TSPAN17: variants seen among roughly 807,000 people sequenced by gnomAD.
TSPAN17 encodes the protein tetraspanin-17.
In TSPAN17, 33 loss-of-function variants were observed where a neutral mutation model predicts 40.5. The observed-to-expected ratio is 0.81, with a 90% CI of 0.62 to 1.09. The LOEUF is 1.09. Ranked by LOEUF, TSPAN17 falls within the 50% of genes least tolerant of loss-of-function variation. The probability of loss-of-function intolerance (pLI) is 0.00; values close to 1 mark genes in which losing one functional copy is unlikely to be tolerated. For missense variants in TSPAN17, 365 were observed against 416.8 expected, an observed-to-expected ratio of 0.88 and a Z score of 1.08; for synonymous variants, 166 against 169.4, an observed-to-expected ratio of 0.98 and a Z score of 0.15.
rs35207938 is a variant in TSPAN17, at chr5:176,651,804, C to G, written c.189C>G (p.Pro63=). ...SALTDLGGLD[P]VWLFVVVGGV... is the part of the protein sequence containing the mutation. ...TGACAGATCTGGGAGGCCTTGACCC[C>G]GTGTGGCTGTTTGTGGTAGTTGGAG... The change falls in exon 3 of 9, where the codon CCC becomes CCG. Residue 63 remains proline (P), a synonymous_variant. Coordinates refer to ENST00000508164, the MANE Select transcript of TSPAN17 (RefSeq NM_130465.5). The surrounding 1 kb of genome is among the most constrained non-coding windows in gnomAD (Gnocchi z 4.5). The G allele has an allele frequency of 6.2e-7, 1 of 1,614,106 alleles. No homozygotes were observed. Among genetic ancestry groups the G allele is most frequent in the Non-Finnish European group, 8.5e-7 (1 of 1,180,008 alleles).
Position 176,656,944 on chromosome 5 carries a change from T to C in TSPAN17, c.797T>C (p.Val266Ala). 1 of 1,613,564 alleles carries C rather than the reference T, an allele frequency of 6.2e-7. No homozygotes were observed. Among genetic ancestry groups the C allele is most frequent in the Non-Finnish European group, 8.5e-7 (1 of 1,179,626 alleles). Reference protein sequence around the residue: ...AQNLVSDIKAVKANWSKWNDD... With the variant: ...AQNLVSDIKAAKANWSKWNDD... ...AACCTCGTGAGTGACATCAAGGCAG[T>C]GAAAGCCAACTGGTGAGGCCGCCAG... is the stretch of plus-strand genomic sequence containing the variant. Residue 266 changes from valine to alanine, a missense_variant, in exon 8 of 9, where the codon GTG becomes GCG. Val to Ala is a moderately conservative substitution (Grantham distance 64, BLOSUM62 0). Transcript: ENST00000508164.
chr5:176,656,026 A>G (rs933912561), intron 5 of TSPAN17, 52 bp from the exon 6 acceptor site: 10 of 1,559,720 alleles, frequency 6.4e-6, no homozygotes, highest in Admixed American at 3.3e-5. Context: ...GGTACCATGG[A>G]CCCCATGGGA....
chr5:176,655,120 G>A (rs1581197666), intron 5 of TSPAN17, 100 bp downstream of exon 5: 2 of 1,415,466 alleles, frequency 1.4e-6, no homozygotes, highest in East Asian at 2.6e-5. Context: ...TGCTCTGGGG[G>A]CGTGGATGCT....
At chr5:176,652,603 T>C (rs1432164299) in intron 3 of TSPAN17, 140 bp from the exon 4 acceptor site, 1 of 740,446 alleles carries the variant, frequency 1.4e-6, no homozygotes, top group African/African-American at 1.8e-5. Context: ...AATACTAAAA[T>C]AATAGAAGGT....
intron 4 of TSPAN17, 145 bp downstream of exon 4, chr5:176,653,058 C>G (rs73332178): frequency 3.7e-6 from 3 of 812,384 alleles, no homozygotes; most frequent in Non-Finnish European, 5.8e-6. Flanking sequence ...TGTCCTCGTC[C>G]GAGGAGAGCC....
In TSPAN17 at chr5:176,651,596, C is replaced by G. The variant is rs1330133499; in HGVS notation, c.88-20C>G. The G allele has an allele frequency of 3.1e-6, 5 of 1,608,972 alleles. No homozygotes were observed. The Admixed American group carries it at 5.0e-5, about 16-fold the overall frequency. On this transcript the variant is annotated intron_variant, in intron 1 of 8. Coordinates refer to ENST00000508164, the MANE Select transcript of TSPAN17 (RefSeq NM_130465.5). This position sits in a 1 kb window ranked among gnomAD's most constrained non-coding sequence, Gnocchi z 4.5. ...CTGGGGCTGCTCCCAGCCCTGAGCT[C>G]TTTGTTGCTGCCCTTGCAGGTGCTG...
intron 4 of TSPAN17, 96 bp downstream of exon 4, chr5:176,653,009 C>A (rs1761029786): frequency 2.2e-6 from 3 of 1,377,528 alleles, no homozygotes; most frequent in East Asian, 4.6e-5. Context: ...ATCTCCTTAC[C>A]CACCTGGGCT....
At chr5:176,649,461 C>T (rs1481510352) in intron 1 of TSPAN17, among the ~76,000 whole-genome samples, 1 of 149,676 alleles carries the variant, frequency 6.7e-6, no homozygotes, top group Non-Finnish European at 1.5e-5. Context: ...GAGTTTTGCT[C>T]TTGTTGCCCA....
rs1376231598 is a variant in TSPAN17 at position 176,656,771 on chromosome 5, C to T, written c.702C>T (p.Asn234=). The T allele has an allele frequency of 6.2e-7, 1 of 1,614,100 alleles. No individual in the cohort carries two copies. Among genetic ancestry groups the T allele is most frequent in the African/African-American group, 1.3e-5 (1 of 74,948 alleles). ...VGQFEKWLQD[N]LIVVAGVFMG... is the part of the protein sequence containing the mutation. The stretch of plus-strand genomic sequence containing the variant: ...AGTTTGAGAAGTGGCTGCAGGACAA[C>T]CTGATTGTGGTGGCGGGAGTCTTCA... Residue 234 remains asparagine, a synonymous_variant, in exon 7 of 9, where the codon AAC becomes AAT. Transcript: ENST00000508164.
At chr5:176,652,248 A>G (rs1760996986) in intron 3 of TSPAN17, among the ~76,000 whole-genome samples, 1 of 152,160 alleles carries the variant, frequency 6.6e-6, no homozygotes, top group South Asian at 2.1e-4. Flanking sequence ...GAGGCTCAGG[A>G]ACAGAGCCGG....
At position 176,648,770 on chromosome 5, in the gene TSPAN17, G is replaced by A. The variant is rs192398289; in HGVS notation, c.87+1068G>A. Among the ~76,000 whole-genome samples, 11 of 152,354 alleles carry A rather than the reference G, an allele frequency of 7.2e-5. No individual in the cohort carries two copies. In the East Asian group the frequency reaches 1.9e-3, roughly 27 times the overall value. On this transcript the variant is annotated intron_variant, in intron 1 of 8. Transcript: ENST00000508164. ...TGCCTGCCTGGGAGACGACGATAAA[G>A]AATCTGCCTGTGAGGGCTGTTAGGC...
chr5:176,647,621 C>CG lies in TSPAN17; in HGVS notation c.8dup (p.Lys4GlnfsTer9), dbSNP rs1561913760. Reference sequence around the variant, plus strand: ...CCGGCGGGTGGCCGCTCACCATGCCCGGCAAGCACCAGCATTTCCAGGAAC... The same window carrying CG: ...CCGGCGGGTGGCCGCTCACCATGCCCGGGCAAGCACCAGCATTTCCAGGAAC... On this transcript the variant is annotated frameshift_variant, in exon 1 of 9. Transcript: ENST00000508164. LOFTEE classifies it high-confidence loss of function. The CG allele has an allele frequency of 6.3e-7, 1 of 1,576,930 alleles. No homozygotes were observed.
rs796815885 is a variant in TSPAN17, at chr5:176,649,432, C to CTT, written c.87+1741_87+1742dup. Among the ~76,000 whole-genome samples, 19 of 143,960 alleles carry CTT rather than the reference C, an allele frequency of 1.3e-4. 1 individual carries two copies. The highest frequency in any genetic ancestry group is 4.3e-4 in the African/African-American group (17 of 39,236). 94.4% of individuals were successfully genotyped at this position (143,960 alleles called of 152,430 possible). A position where few individuals can be genotyped will look rare whatever the true frequency, so the allele number is the denominator to read the frequency against. ...CTTGTGGTTTCCTTTTTTCTTTTTT[C>CTT]TTTTTTTTTTTTGAGACAGAGTTTT... On this transcript the variant is annotated intron_variant, in intron 1 of 8. Coordinates refer to ENST00000508164, the MANE Select transcript of TSPAN17 (RefSeq NM_130465.5).
Position 176,657,661 on chromosome 5 carries a change from G to C in TSPAN17, c.953G>C (p.Gly318Ala), listed in dbSNP as rs1761212067. ...AGCCGACATGTTTTCTTTGGCCTGG[G>C]TGGTTTATACCCTGAGCCAACCTTT... ...PPSRHVFFGL[G>A]GLYPEPTFKN... The change falls in exon 9 of 9, where the codon GGT becomes GCT. Residue 318 changes from glycine (G) to alanine (A), a missense_variant. Gly to Ala is a moderately conservative substitution (Grantham distance 60, BLOSUM62 0). Coordinates refer to ENST00000508164, the MANE Select transcript of TSPAN17 (RefSeq NM_130465.5). The C allele has an allele frequency of 6.2e-7, 1 of 1,606,980 alleles. No individual in the cohort carries two copies. Among genetic ancestry groups the C allele is most frequent in the South Asian group, 1.1e-5 (1 of 89,910 alleles).
Position 176,658,042 on chromosome 5 carries a change from G to T in TSPAN17, c.*344G>T. The T allele has an allele frequency of 5.1e-6, 1 of 196,704 alleles. No individual in the cohort carries two copies. Among genetic ancestry groups the T allele is most frequent in the Non-Finnish European group, 1.0e-5 (1 of 97,400 alleles). The allele number at this position is 196,704 out of a possible 1,614,324, so 12.2% of individuals were successfully genotyped here. A position where few individuals can be genotyped will look rare whatever the true frequency, so the allele number is the denominator to read the frequency against. On this transcript the variant is annotated 3_prime_UTR_variant, in exon 9 of 9. Transcript: ENST00000508164. ...GTGGGAGTAGAGTGCCCAGGAGAGG[G>T]TCTGAGGGGTGGGATGGGGGTCAGG...
Position 176,650,847 on chromosome 5 carries a change from T to C in TSPAN17, c.88-769T>C, listed in dbSNP as rs113621098. 1.1e-3 allele frequency among the ~76,000 whole-genome samples: 170 copies of C among 152,012 alleles called. No homozygotes were observed. Among genetic ancestry groups the C allele is most frequent in the African/African-American group, 4.0e-3 (164 of 41,468 alleles). ...TGCACGCCCAGGGACCTGCCCAGGG[T>C]CAGGTGTGAGAGTGACCAGCCTGGA... On this transcript the variant is annotated intron_variant, in intron 1 of 8. Coordinates refer to ENST00000508164, the MANE Select transcript of TSPAN17 (RefSeq NM_130465.5). The surrounding 1 kb of genome is among the most constrained non-coding windows in gnomAD (Gnocchi z 4.0).
rs1013355414 is a variant in TSPAN17, at chr5:176,650,239, A to T, written c.88-1377A>T. On this transcript the variant is annotated intron_variant, in intron 1 of 8. Transcript: ENST00000508164. This position sits in a 1 kb window ranked among gnomAD's most constrained non-coding sequence, Gnocchi z 4.0. Reference sequence around the variant, plus strand: ...CGGGAGATGCCAGCGTCATGATGGGATGGAAGACGAGCGTGAGGAGGAAGA... The same window carrying T: ...CGGGAGATGCCAGCGTCATGATGGGTTGGAAGACGAGCGTGAGGAGGAAGA... Among the ~76,000 whole-genome samples the T allele has an allele frequency of 6.6e-6, 1 of 151,996 alleles. No individual in the cohort carries two copies. Among genetic ancestry groups the T allele is most frequent in the Non-Finnish European group, 1.5e-5 (1 of 67,992 alleles).
Position 176,657,618 on chromosome 5 carries a change from C to A in TSPAN17, c.910C>A (p.Pro304Thr). 1.2e-6 allele frequency: 2 copies of A among 1,613,542 alleles called. No individual in the cohort carries two copies. The highest frequency in any genetic ancestry group is 1.3e-5 in the African/African-American group (1 of 75,042). The change falls in exon 9 of 9, where the codon CCT (proline) becomes ACT (threonine). Residue 304 changes from proline to threonine, a missense_variant. Transcript: ENST00000508164. ...GPQQNSLTGA[P>T]GPAPPSRHVF... ...TCAGCAGAACTCTCTGACTGGGGCC[C>A]CTGGCCCGGCCCCACCCAGCCGACA...
rs1260833601 is a variant in TSPAN17, at chr5:176,647,672, C to T, written c.57C>T (p.Tyr19=). 1.9e-6 allele frequency: 3 copies of T among 1,604,374 alleles called. No individual in the cohort carries two copies. Among genetic ancestry groups the T allele is most frequent in the Non-Finnish European group, 2.6e-6 (3 of 1,175,998 alleles). ...QEPEVGCCGK[Y]FLFGFNIVFW... is the part of the protein sequence containing the mutation. ...CTGAGGTCGGCTGCTGCGGGAAATA[C>T]TTCCTGTTTGGCTTCAACATTGTCT... The change falls in exon 1 of 9, where the codon TAC becomes TAT. Residue 19 remains tyrosine (Y), a synonymous_variant. Coordinates refer to ENST00000508164, the MANE Select transcript of TSPAN17 (RefSeq NM_130465.5).
Sources: allele counts gnomAD v4.1 joint callset (sites outside exome capture counted in the v4.1 genomes callset), GRCh38; gene constraint gnomAD v4.1.1; non-coding constraint Gnocchi (gnomAD v3.1); transcripts MANE v1.5; gene names NCBI Gene and HGNC (gene_info 2026-07-23, HGNC 2026-07-21).